CABCOCO1: variants seen among roughly 807,000 people sequenced by gnomAD.
The protein encoded by CABCOCO1 is ciliary associated calcium binding coiled-coil 1, also known as ciliary-associated calcium-binding coiled-coil protein 1.
In CABCOCO1, 28 loss-of-function variants were observed where a neutral mutation model predicts 35.7. That is an observed-to-expected ratio of 0.78 (90% CI 0.58 to 1.07). The LOEUF is 1.07. Ranked by LOEUF, CABCOCO1 falls within the 50% of genes least tolerant of loss-of-function variation. The probability of loss-of-function intolerance (pLI) is 0.00; values close to 1 mark genes in which losing one functional copy is unlikely to be tolerated. For synonymous variants in CABCOCO1, 95 were observed against 100.1 expected (o/e 0.95, Z 0.30); for missense variants, 326 against 309.2 (o/e 1.05, Z -0.41).
At chr10:61,758,446 A>G (rs1366665732) in intron 5 of CABCOCO1, among the ~76,000 whole-genome samples, 1 of 152,092 alleles carries the variant, frequency 6.6e-6, no homozygotes, top group South Asian at 2.1e-4. Flanking sequence ...GAAAAATGCA[A>G]TGGCTCGTGG....
intron 5 of CABCOCO1, among the ~76,000 whole-genome samples, chr10:61,708,825 T>C (rs1015012986): frequency 1.3e-5 from 2 of 152,158 alleles, no homozygotes; most frequent in African/African-American, 4.8e-5. Context: ...TTTAAATACC[T>C]ACAAAATAGG....
intron 3 of CABCOCO1, among the ~76,000 whole-genome samples, chr10:61,683,242 A>G (rs1839853363): frequency 6.6e-6 from 1 of 152,018 alleles, no homozygotes; most frequent in Non-Finnish European, 1.5e-5. Context: ...GAAAATAGGT[A>G]TTGCAGTATT....
chr10:61,700,561 C>T (rs150060727), intron 5 of CABCOCO1, among the ~76,000 whole-genome samples: 54 of 152,142 alleles, frequency 3.5e-4, no homozygotes, highest in East Asian at 5.8e-4. Context: ...GAAGAATGTA[C>T]ATTGTTAAAC....
At chr10:61,680,607 ACATGT>A (rs1564532521) in intron 2 of CABCOCO1, among the ~76,000 whole-genome samples, 6 of 10,810 alleles carry the variant, frequency 5.6e-4, no homozygotes, top group South Asian at 2.3e-3. Flanking sequence ...TACATGTATA[ACATGT>A]TATACATAAC....
At chr10:61,751,627 C>A (rs1195608978) in intron 5 of CABCOCO1, among the ~76,000 whole-genome samples, 4 of 152,162 alleles carry the variant, frequency 2.6e-5, no homozygotes, top group African/African-American at 7.2e-5. Flanking sequence ...TCCAAATATT[C>A]TTCTACATCG....
At chr10:61,685,875 T>C (rs945446593) in intron 3 of CABCOCO1, among the ~76,000 whole-genome samples, 166 bp from the exon 4 acceptor site, 2 of 152,242 alleles carry the variant, frequency 1.3e-5, no homozygotes, top group Non-Finnish European at 2.9e-5. Flanking sequence ...CTTCTATTCT[T>C]TTGCATAAAA....
chr10:61,687,158 T>C (rs1183445722), intron 4 of CABCOCO1, among the ~76,000 whole-genome samples: 2 of 152,234 alleles, frequency 1.3e-5, no homozygotes, highest in Non-Finnish European at 2.9e-5. Flanking sequence ...TATGAATTAA[T>C]AATGTCATAT....
chr10:61,741,360 G>A (rs1173930904), intron 5 of CABCOCO1, among the ~76,000 whole-genome samples: 1 of 151,896 alleles, frequency 6.6e-6, no homozygotes, highest in African/African-American at 2.4e-5. Flanking sequence ...TATTGATGAA[G>A]GTAGCATAAA....
At chr10:61,734,273 T>A (rs2132058096) in intron 5 of CABCOCO1, among the ~76,000 whole-genome samples, 1 of 152,168 alleles carries the variant, frequency 6.6e-6, no homozygotes, top group Admixed American at 6.6e-5. Context: ...TTTGTACACC[T>A]TTAAAATTAA....
chr10:61,694,993 A>T (rs1235083491), intron 5 of CABCOCO1, among the ~76,000 whole-genome samples: 1 of 152,036 alleles, frequency 6.6e-6, no homozygotes, highest in African/African-American at 2.4e-5. Context: ...ATCATGTTAC[A>T]CTCCAGATTG....
chr10:61,666,962 A>AATTATAT (rs1839195878), intron 1 of CABCOCO1, among the ~76,000 whole-genome samples: 1 of 140,950 alleles, frequency 7.1e-6, no homozygotes, highest in Admixed American at 7.5e-5. Flanking sequence ...GTATAAATAT[A>AATTATAT]ATTATATATT....
intron 2 of CABCOCO1, among the ~76,000 whole-genome samples, chr10:61,680,051 C>A (rs1318629314): frequency 6.6e-6 from 1 of 151,890 alleles, no homozygotes; most frequent in Non-Finnish European, 1.5e-5. Flanking sequence ...GTGTTCACGC[C>A]TGTAATCCCA....
At chr10:61,728,077 C>T (rs1841205787) in intron 5 of CABCOCO1, among the ~76,000 whole-genome samples, 1 of 152,150 alleles carries the variant, frequency 6.6e-6, no homozygotes, top group South Asian at 2.1e-4. Context: ...TTTCAAAGGA[C>T]TAAACCCATT....
chr10:61,763,526 C>T (rs1842050065), intron 7 of CABCOCO1, among the ~76,000 whole-genome samples: 1 of 151,876 alleles, frequency 6.6e-6, no homozygotes, highest in African/African-American at 2.4e-5. Flanking sequence ...AAAAATTATA[C>T]CCAAGGGAGC....
At chr10:61,671,386 G>T (rs899021263) in intron 1 of CABCOCO1, among the ~76,000 whole-genome samples, 6 of 152,050 alleles carry the variant, frequency 3.9e-5, no homozygotes, top group African/African-American at 1.4e-4. Flanking sequence ...AAAAGCACTT[G>T]GCTGAGGGGT....
intron 1 of CABCOCO1, among the ~76,000 whole-genome samples, chr10:61,667,120 A>G (rs953471214): frequency 7.0e-6 from 1 of 143,400 alleles, no homozygotes; most frequent in African/African-American, 2.5e-5. Flanking sequence ...ATAATTATAT[A>G]TTATATATAC....
At chr10:61,702,615 T>TA (rs756195803) in intron 5 of CABCOCO1, among the ~76,000 whole-genome samples, 11 of 152,142 alleles carry the variant, frequency 7.2e-5, no homozygotes, top group Non-Finnish European at 1.6e-4. Flanking sequence ...TCGCTTTTTT[T>TA]AAAAAAGAAG....
intron 3 of CABCOCO1, among the ~76,000 whole-genome samples, 167 bp downstream of exon 3, chr10:61,681,479 T>C (rs1839791018): frequency 6.6e-6 from 1 of 152,086 alleles, no homozygotes; most frequent in South Asian, 2.1e-4. Context: ...TTATAAAACC[T>C]CAAGTAATAC....
At chr10:61,690,487 A>T in intron 4 of CABCOCO1, 62 bp from the exon 5 acceptor site, 1 of 1,111,136 alleles carries the variant, frequency 9.0e-7, no homozygotes, top group Non-Finnish European at 1.3e-6. Flanking sequence ...AAATGTCTTT[A>T]CATATTGTGT....
Sources: gnomAD v4.1 joint callset for allele counts (sites outside exome capture counted in the v4.1 genomes callset) on GRCh38, gnomAD v4.1.1 for gene constraint, MANE v1.5 for transcripts, NCBI Gene and HGNC (gene_info 2026-07-23, HGNC 2026-07-21) for gene names.